TP53BP1: variants seen among roughly 807,000 people sequenced by gnomAD.
TP53BP1 encodes tumor protein p53 binding protein 1.
In TP53BP1, 61 loss-of-function variants were observed where a neutral mutation model predicts 200.8. That is an observed-to-expected ratio of 0.30 (90% CI 0.25 to 0.38). The LOEUF is 0.38. Among genes scored for constraint, TP53BP1 ranks in the 10% least tolerant of loss-of-function variants. The pLI, the probability that TP53BP1 is intolerant of heterozygous loss-of-function variation, is 1.00. For synonymous variants in TP53BP1, 822 were observed against 844.3 expected (o/e 0.97, Z 0.46); for missense variants, 2,144 against 2,371.9 (o/e 0.90, Z 2.00).
intron 11 of TP53BP1, among the ~76,000 whole-genome samples, chr15:43,462,776 G>A (rs2046470438): frequency 6.6e-6 from 1 of 151,956 alleles, no homozygotes. Flanking sequence ...AACAATTCAG[G>A]CCAGGCGTGG....
At chr15:43,421,477 C>A (rs1226987587) in intron 19 of TP53BP1, among the ~76,000 whole-genome samples, 1 of 152,214 alleles carries the variant, frequency 6.6e-6, no homozygotes, top group African/African-American at 2.4e-5. Context: ...GCTCTGGACA[C>A]CTGCAAAGAA....
At chr15:43,481,133 G>T in intron 4 of TP53BP1, 111 bp from the exon 5 acceptor site, 1 of 1,208,808 alleles carries the variant, frequency 8.3e-7, no homozygotes, top group Non-Finnish European at 1.2e-6. Flanking sequence ...ACTTGAAAAA[G>T]TAAAATACCT....
intron 4 of TP53BP1, among the ~76,000 whole-genome samples, chr15:43,484,265 C>A (rs1037260630): frequency 2.6e-5 from 4 of 152,206 alleles, no homozygotes; most frequent in Non-Finnish European, 5.9e-5. Context: ...TTGTCTCTCA[C>A]ACTCCACATC....
At chr15:43,494,798 C>T (rs2079170967), upstream of TP53BP1, among the ~76,000 whole-genome samples, 1 of 152,196 alleles carries the variant, frequency 6.6e-6, no homozygotes, top group South Asian at 2.1e-4. Context: ...CAAAAGTTAC[C>T]ATTTTTTTGC....
chr15:43,435,534 C>T (rs2045775349), intron 16 of TP53BP1, among the ~76,000 whole-genome samples: 1 of 152,196 alleles, frequency 6.6e-6, no homozygotes, highest in Admixed American at 6.5e-5. Context: ...GTCATTACTA[C>T]ACCACTGTTA....
chr15:43,427,461 A>C (rs962020841), intron 18 of TP53BP1, among the ~76,000 whole-genome samples: 5 of 152,252 alleles, frequency 3.3e-5, no homozygotes, highest in Non-Finnish European at 7.3e-5. Flanking sequence ...TGTTCTTTAC[A>C]GAAAAGGAAA....
Position 43,479,950 on chromosome 15 carries a change from A to G in TP53BP1, c.567T>C (p.Asn189=). The change falls in exon 6 of 28, where the codon AAT becomes AAC. Residue 189 remains asparagine (N), a synonymous_variant. Coordinates refer to ENST00000382044, the MANE Select transcript of TP53BP1 (RefSeq NM_001141980.3). ...CTTTGTCCACTTCATATGGCACAGT[A>G]TTTTCCTCAACATCCTGGCTCTGGG... ...ELSQSQDVEE[N]TVPYEVDKEQ... 6.2e-7 allele frequency: 1 copy of G among 1,614,094 alleles called. No individual in the cohort carries two copies. The highest frequency in any genetic ancestry group is 8.5e-7 in the Non-Finnish European group (1 of 1,180,020).
chr15:43,477,506 G>C (rs2078901592), intron 8 of TP53BP1, 87 bp downstream of exon 8: 2 of 1,309,474 alleles, frequency 1.5e-6, no homozygotes, highest in African/African-American at 1.5e-5. Context: ...CCTATAAAAT[G>C]CTTTGTAACT....
upstream of TP53BP1, chr15:43,497,529 G>A: frequency 4.9e-6 from 4 of 822,226 alleles, no homozygotes; most frequent in Non-Finnish European, 5.9e-6. Context: ...TAACTTCCTG[G>A]AAGCCAGTAC....
chr15:43,427,711 T>C (rs2045576622), intron 18 of TP53BP1, among the ~76,000 whole-genome samples: 1 of 152,114 alleles, frequency 6.6e-6, no homozygotes, highest in African/African-American at 2.4e-5. Flanking sequence ...ATCCCAGCAC[T>C]TTGGGAGGCC....
intron 21 of TP53BP1, among the ~76,000 whole-genome samples, chr15:43,419,046 G>A (rs540521674): frequency 6.6e-6 from 1 of 152,192 alleles, no homozygotes; most frequent in South Asian, 2.1e-4. Flanking sequence ...ATGGCGAAAT[G>A]CCATCCCCAC....
intron 11 of TP53BP1, among the ~76,000 whole-genome samples, chr15:43,468,733 T>C (rs965849282): frequency 1.3e-5 from 2 of 152,244 alleles, no homozygotes; most frequent in South Asian, 2.1e-4. Flanking sequence ...TCCTACGAGG[T>C]AGACAGTATC....
intron 20 of TP53BP1, 100 bp downstream of exon 20, chr15:43,420,922 CCCT>C (rs2045381189): frequency 2.1e-6 from 3 of 1,421,050 alleles, no homozygotes; most frequent in Non-Finnish European, 2.9e-6. Context: ...TCAGTATGGC[CCCT>C]CTTCTCCCTC....
At chr15:43,478,967 T>C (rs898594765) in intron 7 of TP53BP1, among the ~76,000 whole-genome samples, 3 of 152,140 alleles carry the variant, frequency 2.0e-5, no homozygotes, top group Admixed American at 2.0e-4. Flanking sequence ...TCCCAGCACT[T>C]TGGGAAGCTG....
chr15:43,404,691 T>C lies in TP53BP1; in HGVS notation c.*2692A>G. 4 of 893,724 alleles carry C rather than the reference T, an allele frequency of 4.5e-6. No homozygotes were observed. The highest frequency in any genetic ancestry group is 6.6e-6 in the Non-Finnish European group (4 of 602,660). 55.4% of individuals were successfully genotyped at this position (893,724 alleles called of 1,614,324 possible). On this transcript the variant is annotated 3_prime_UTR_variant, in exon 28 of 28. Transcript: ENST00000382044. ...AGGCTTAGAGATAGAGGTGTGACCA[T>C]CTTTAATAATTTTAATGGAGGTTAT...
At chr15:43,481,967 C>T (rs2078975842) in intron 4 of TP53BP1, among the ~76,000 whole-genome samples, 1 of 152,052 alleles carries the variant, frequency 6.6e-6, no homozygotes, top group South Asian at 2.1e-4. Context: ...GTGGCTCACG[C>T]CTGTAATCCC....
At chr15:43,442,788 C>T (rs967358739) in intron 14 of TP53BP1, among the ~76,000 whole-genome samples, 2 of 146,908 alleles carry the variant, frequency 1.4e-5, no homozygotes, top group Admixed American at 6.9e-5. Context: ...ATACGAGCTA[C>T]GACACCTAGC....
chr15:43,506,942 C>T (rs1042278085), intron 1 of TP53BP1, among the ~76,000 whole-genome samples: 3 of 152,052 alleles, frequency 2.0e-5, no homozygotes, highest in African/African-American at 7.2e-5. Context: ...TCCAATAGGT[C>T]GCAGGCCAAG....
At chr15:43,408,647 G>A (rs1024128835) in intron 26 of TP53BP1, 26 of 481,500 alleles carry the variant, frequency 5.4e-5, no homozygotes, top group Non-Finnish European at 8.3e-5. Flanking sequence ...TTAAAACTTA[G>A]TTCTCTGACT....
Sources: gnomAD v4.1 joint callset for allele counts (sites outside exome capture counted in the v4.1 genomes callset) on GRCh38, gnomAD v4.1.1 for gene constraint, MANE v1.5 for transcripts, NCBI Gene and HGNC (gene_info 2026-07-23, HGNC 2026-07-21) for gene names.